KLF7: variants seen among roughly 807,000 people sequenced by gnomAD.
KLF7 encodes the protein KLF transcription factor 7.
A neutral mutation model predicts 27.3 loss-of-function variants in KLF7; 2 were observed. The ratio of observed to expected loss-of-function variants is 0.07; its 90% CI spans 0.03 to 0.23. The LOEUF (loss-of-function observed/expected upper bound fraction) is 0.23. Ranked by LOEUF, KLF7 falls within the 10% of genes least tolerant of loss-of-function variation. The pLI is 1.00. For synonymous variants in KLF7, 165 were observed against 162.4 expected, an observed-to-expected ratio of 1.02 and a Z score of -0.12; for missense variants, 221 against 394.1, an observed-to-expected ratio of 0.56 and a Z score of 3.72.
Position 207,165,835 on chromosome 2 carries a change from TCTC to T in KLF7, c.-270_-268del. 1 of 1,311,618 alleles carries T rather than the reference TCTC, an allele frequency of 7.6e-7. No homozygotes were observed. The highest frequency in any genetic ancestry group is 9.7e-7 in the Non-Finnish European group (1 of 1,025,844). The allele number at this position is 1,311,618 out of a possible 1,614,324, so 81.2% of individuals were successfully genotyped here. On this transcript the variant is annotated 5_prime_UTR_variant, in exon 1 of 4. Coordinates refer to ENST00000309446, the MANE Select transcript of KLF7 (RefSeq NM_003709.4). ...AGACGACTGCCAGGAAAAGGGGACT[TCTC>T]CACGGGAGTAACAATTCCCTTCCAG...
chr2:207,082,737 G>C (rs2076301931), intron 3 of KLF7, among the ~76,000 whole-genome samples: 1 of 152,174 alleles, frequency 6.6e-6, no homozygotes, highest in East Asian at 1.9e-4. Flanking sequence ...CACCCCTACA[G>C]TCCAAAACTC....
intron 2 of KLF7, among the ~76,000 whole-genome samples, chr2:207,123,409 C>T (rs1383292013): frequency 6.6e-6 from 1 of 152,222 alleles, no homozygotes; most frequent in Non-Finnish European, 1.5e-5. Flanking sequence ...GCATCCTCAG[C>T]TCCCAGTGTT....
intron 1 of KLF7, among the ~76,000 whole-genome samples, chr2:207,157,219 T>TAAAAAAAAAAAAAAAAAAA (rs5838052): frequency 1.1e-5 from 1 of 87,314 alleles, no homozygotes; most frequent in South Asian, 4.1e-4. Flanking sequence ...AACAGAAAAG[T>TAAAAAAAAAAAAAAAAAAA]AAAAAAAAAA....
At chr2:207,095,031 C>CTTTTGTTTTTTTTTT (rs2076593823) in intron 2 of KLF7, among the ~76,000 whole-genome samples, 1 of 82,416 alleles carries the variant, frequency 1.2e-5, no homozygotes, top group Non-Finnish European at 2.2e-5. Flanking sequence ...TGTTTTTATT[C>CTTTTGTTTTTTTTTT]TTTTTTTTTT....
intron 2 of KLF7, among the ~76,000 whole-genome samples, chr2:207,118,609 A>G (rs2077253052): frequency 6.6e-6 from 1 of 152,228 alleles, no homozygotes. Context: ...TTGCCCAACC[A>G]TCTATGATGA....
chr2:207,092,569 T>C (rs1448890634), intron 2 of KLF7, among the ~76,000 whole-genome samples: 1 of 152,194 alleles, frequency 6.6e-6, no homozygotes, highest in East Asian at 1.9e-4. Context: ...TAAGGGTGCT[T>C]GAGAAACAGG....
At chr2:207,112,680 C>A (rs1358525969) in intron 2 of KLF7, among the ~76,000 whole-genome samples, 5 of 152,236 alleles carry the variant, frequency 3.3e-5, no homozygotes, top group Non-Finnish European at 5.9e-5. Flanking sequence ...AAAGTGAAAT[C>A]TCCTTGGAGC....
intron 1 of KLF7, among the ~76,000 whole-genome samples, chr2:207,146,167 C>T (rs891211140): frequency 6.6e-6 from 1 of 152,136 alleles, no homozygotes; most frequent in Non-Finnish European, 1.5e-5. Context: ...AGCACAAAGC[C>T]CTCTATGCAG....
intron 1 of KLF7, among the ~76,000 whole-genome samples, chr2:207,151,287 T>A (rs1267058024): frequency 1.3e-5 from 2 of 152,118 alleles, no homozygotes; most frequent in Non-Finnish European, 2.9e-5. Flanking sequence ...AACATGTGAA[T>A]ATGTTTAAAA....
intron 1 of KLF7, among the ~76,000 whole-genome samples, chr2:207,124,824 A>T (rs1309608912): frequency 6.6e-6 from 1 of 152,200 alleles, no homozygotes; most frequent in Non-Finnish European, 1.5e-5. Context: ...CAACTTCATT[A>T]TTCAAAACAG....
In KLF7 at chr2:207,162,365, C is replaced by A. The variant is rs945121408; in HGVS notation, c.102+3102G>T. Among the ~76,000 whole-genome samples the A allele has an allele frequency of 2.6e-5, 4 of 152,228 alleles. No individual in the cohort carries two copies. The South Asian group carries it at 8.3e-4, about 32-fold the overall frequency. The stretch of plus-strand genomic sequence containing the variant: ...TTAAGGCTGGTAGTCTTAAGAATTG[C>A]GCGTCAGCTGAATTCTATAAAATAA... On this transcript the variant is annotated intron_variant, in intron 1 of 3. Transcript: ENST00000309446.
intron 2 of KLF7, among the ~76,000 whole-genome samples, chr2:207,095,711 G>A (rs1208288874): frequency 2.0e-5 from 3 of 152,106 alleles, no homozygotes; most frequent in Admixed American, 1.3e-4. Context: ...TGGTAGAACT[G>A]CATTTAACTT....
At chr2:207,101,336 G>A (rs2076760481) in intron 2 of KLF7, among the ~76,000 whole-genome samples, 2 of 152,192 alleles carry the variant, frequency 1.3e-5, no homozygotes, top group South Asian at 4.1e-4. Context: ...CAAAGAACAT[G>A]AGACTCAATA....
intron 1 of KLF7, among the ~76,000 whole-genome samples, chr2:207,148,236 G>A (rs2078150578): frequency 6.6e-6 from 1 of 152,178 alleles, no homozygotes; most frequent in African/African-American, 2.4e-5. Flanking sequence ...TTGAGCCAAA[G>A]GTATGTCCCA....
chr2:207,167,113 A>G (rs1574614080), upstream of KLF7: 1 of 1,418,558 alleles, frequency 7.0e-7, no homozygotes. Flanking sequence ...GCAGCTTGCG[A>G]GGGGGCCTTT....
chr2:207,078,028 T>A lies in KLF7; in HGVS notation c.*3185A>T, dbSNP rs1312554859. 2.0e-5 allele frequency: 3 copies of A among 152,200 alleles called. No homozygotes were observed. The highest frequency in any genetic ancestry group is 2.9e-5 in the Non-Finnish European group (2 of 68,024). 9.4% of individuals were successfully genotyped at this position (152,200 alleles called of 1,614,324 possible). ...ATAACCAGTCCTCTTGGGAGCAAAATGTCTTCAGGTTACTTCTTGGAAAAC... is the reference window on the plus strand; with the variant it reads ...ATAACCAGTCCTCTTGGGAGCAAAAAGTCTTCAGGTTACTTCTTGGAAAAC... On this transcript the variant is annotated 3_prime_UTR_variant, in exon 4 of 4. Coordinates refer to ENST00000309446, the MANE Select transcript of KLF7 (RefSeq NM_003709.4).
At chr2:207,108,566 T>C (rs1474228714) in intron 2 of KLF7, among the ~76,000 whole-genome samples, 3 of 152,230 alleles carry the variant, frequency 2.0e-5, no homozygotes, top group Admixed American at 1.3e-4. Flanking sequence ...CTCAGATCTC[T>C]GGATATAATA....
chr2:207,098,890 G>T (rs1444350258), intron 2 of KLF7, among the ~76,000 whole-genome samples: 1 of 143,168 alleles, frequency 7.0e-6, no homozygotes, highest in Non-Finnish European at 1.5e-5. Flanking sequence ...AAAGCACTAA[G>T]ATTACAGATA....
intron 1 of KLF7, among the ~76,000 whole-genome samples, chr2:207,150,471 G>A (rs1283717507): frequency 6.6e-6 from 1 of 152,046 alleles, no homozygotes; most frequent in Admixed American, 6.6e-5. Flanking sequence ...CCAACAAGAA[G>A]CGATAGTTTA....
Sources: gnomAD v4.1 joint callset for allele counts (sites outside exome capture counted in the v4.1 genomes callset) on GRCh38, gnomAD v4.1.1 for gene constraint, MANE v1.5 for transcripts, NCBI Gene and HGNC (gene_info 2026-07-23, HGNC 2026-07-21) for gene names.